Variants in COL25A1 observed in about 807,000 individuals in gnomAD.
COL25A1 encodes collagen type XXV alpha 1 chain, also known as collagen alpha-1(XXV) chain.
In COL25A1, 103 loss-of-function variants were observed where a neutral mutation model predicts 128.4. The observed-to-expected ratio is 0.80, with a 90% CI of 0.68 to 0.94. The LOEUF (loss-of-function observed/expected upper bound fraction) is 0.94, where lower values mean the gene tolerates loss of function less well. COL25A1 is among the 40% of genes least tolerant of loss of function. COL25A1 has a pLI of 0.00. For synonymous variants in COL25A1, 279 were observed against 277.2 expected (o/e 1.01, Z -0.06); for missense variants, 745 against 840.0 (o/e 0.89, Z 1.40).
At chr4:108,952,831 CTTTTTTTTTTT>C (rs59761040) in intron 8 of COL25A1, among the ~76,000 whole-genome samples, 3 of 66,960 alleles carry the variant, frequency 4.5e-5, no homozygotes, top group East Asian at 5.3e-4. Flanking sequence ...AAAAACTCAA[CTTTTTTTTTTT>C]TTTTTTTTTT....
At chr4:108,870,691 A>G (rs1250721487) in intron 19 of COL25A1, among the ~76,000 whole-genome samples, 1 of 152,232 alleles carries the variant, frequency 6.6e-6, no homozygotes, top group African/African-American at 2.4e-5. Context: ...CAAAAACATT[A>G]TAAGGAATAC....
chr4:109,275,394 C>G (rs550266909), intron 3 of COL25A1, among the ~76,000 whole-genome samples: 7 of 152,172 alleles, frequency 4.6e-5, no homozygotes, highest in Non-Finnish European at 8.8e-5. Flanking sequence ...AAGTTCATCT[C>G]TAGCTATTTT....
chr4:108,823,091 T>C (rs1326636590), intron 35 of COL25A1, among the ~76,000 whole-genome samples: 2 of 152,244 alleles, frequency 1.3e-5, no homozygotes, highest in Non-Finnish European at 2.9e-5. Context: ...TAATCTTCTT[T>C]CTTTCACAAC....
intron 8 of COL25A1, among the ~76,000 whole-genome samples, chr4:108,965,666 C>T (rs1385135888): frequency 1.3e-5 from 2 of 152,130 alleles, no homozygotes; most frequent in East Asian, 3.9e-4. Flanking sequence ...AGGGCAGAGG[C>T]TCTTATGAAC....
At chr4:109,268,292 G>T (rs1781926926) in intron 3 of COL25A1, among the ~76,000 whole-genome samples, 1 of 152,124 alleles carries the variant, frequency 6.6e-6, no homozygotes, top group Admixed American at 6.5e-5. Context: ...ATTAAAATTA[G>T]ATAAGCATTT....
intron 6 of COL25A1, among the ~76,000 whole-genome samples, chr4:108,976,170 A>C (rs1232062855): frequency 6.6e-6 from 1 of 152,130 alleles, no homozygotes; most frequent in African/African-American, 2.4e-5. Context: ...TTAGTTTAGA[A>C]GCTATTTTTT....
At chr4:109,093,473 A>AG (rs1409369249) in intron 3 of COL25A1, among the ~76,000 whole-genome samples, 1 of 125,126 alleles carries the variant, frequency 8.0e-6, no homozygotes, top group Non-Finnish European at 1.7e-5. Flanking sequence ...AAAAAAAAAA[A>AG]AAACCTTTTT....
intron 8 of COL25A1, among the ~76,000 whole-genome samples, chr4:108,967,578 A>G (rs1751456542): frequency 1.3e-5 from 2 of 152,176 alleles, no homozygotes; most frequent in South Asian, 4.1e-4. Context: ...TGGTAGTTAG[A>G]ATTTGATCCC....
intron 5 of COL25A1, among the ~76,000 whole-genome samples, chr4:109,038,380 C>T (rs2125924164): frequency 6.6e-6 from 1 of 152,250 alleles, no homozygotes; most frequent in Admixed American, 6.5e-5. Flanking sequence ...GAGTTCCAGC[C>T]TTCAGGCCTG....
chr4:109,269,146 T>C (rs1474288373), intron 3 of COL25A1, among the ~76,000 whole-genome samples: 14 of 144,994 alleles, frequency 9.7e-5, no homozygotes, highest in Non-Finnish European at 2.1e-4. Context: ...TGTGATCTCA[T>C]TGTTCAATTC....
At chr4:108,930,992 C>T (rs1007280657) in intron 11 of COL25A1, among the ~76,000 whole-genome samples, 1 of 152,052 alleles carries the variant, frequency 6.6e-6, no homozygotes, top group Admixed American at 6.5e-5. Context: ...TAAGACAGAT[C>T]AATTATAACT....
intron 3 of COL25A1, among the ~76,000 whole-genome samples, chr4:109,157,613 A>G (rs1772159196): frequency 6.6e-6 from 1 of 152,238 alleles, no homozygotes; most frequent in Admixed American, 6.5e-5. Flanking sequence ...AGATAGTAAT[A>G]CATTCAAAAG....
intron 3 of COL25A1, among the ~76,000 whole-genome samples, chr4:109,122,406 T>G (rs901332212): frequency 6.6e-6 from 1 of 151,914 alleles, no homozygotes; most frequent in Admixed American, 6.6e-5. Context: ...TTCCACTCAG[T>G]TTTGCTATAA....
chr4:109,197,414 TTATATATTATATATAAATATTATATATTA>T (rs1423051376), intron 3 of COL25A1, among the ~76,000 whole-genome samples: 7 of 125,092 alleles, frequency 5.6e-5, no homozygotes, highest in Admixed American at 1.0e-4. Flanking sequence ...AAAATATATA[TTATATATTATATATAAATATTATATATTA>T]TATATATTAT....
chr4:109,280,818 T>C (rs1008324814), intron 3 of COL25A1, among the ~76,000 whole-genome samples: 20 of 152,090 alleles, frequency 1.3e-4, no homozygotes, highest in African/African-American at 4.8e-4. Context: ...ACTAATTTTT[T>C]GTATTTTTAG....
intron 8 of COL25A1, among the ~76,000 whole-genome samples, chr4:108,954,413 TA>T (rs1317442128): frequency 6.6e-6 from 1 of 152,130 alleles, no homozygotes; most frequent in Non-Finnish European, 1.5e-5. Flanking sequence ...TTAAAAGTGA[TA>T]TTTATTCGCA....
At chr4:109,028,735 AAAAAAG>A (rs1227056567) in intron 5 of COL25A1, among the ~76,000 whole-genome samples, 5 of 148,446 alleles carry the variant, frequency 3.4e-5, no homozygotes, top group Admixed American at 2.7e-4. Context: ...AAAAAAAAGA[AAAAAAG>A]AAAAAGAAAA....
chr4:108,848,666 A>G (rs1366717863), intron 27 of COL25A1, 93 bp downstream of exon 27: 7 of 850,352 alleles, frequency 8.2e-6, no homozygotes, highest in South Asian at 1.4e-5. Context: ...GGTATCAAAT[A>G]TCAATGCTCA....
chr4:109,256,144 G>C (rs1781073764), intron 3 of COL25A1, among the ~76,000 whole-genome samples: 1 of 150,420 alleles, frequency 6.6e-6, no homozygotes, highest in African/African-American at 2.5e-5. Flanking sequence ...TTAACCTAGA[G>C]AGAAGAGCAA....
Sources: allele counts gnomAD v4.1 joint callset (sites outside exome capture counted in the v4.1 genomes callset), GRCh38; gene constraint gnomAD v4.1.1; transcripts MANE v1.5; gene names NCBI Gene and HGNC (gene_info 2026-07-23, HGNC 2026-07-21).